DNAJC6: variants seen among roughly 807,000 people sequenced by gnomAD.
The protein encoded by DNAJC6 is auxilin.
In DNAJC6, 34 loss-of-function variants were observed where a neutral mutation model predicts 110.0. That is an observed-to-expected ratio of 0.31 (90% CI 0.24 to 0.41). The LOEUF (loss-of-function observed/expected upper bound fraction) is 0.41. Among genes scored for constraint, DNAJC6 ranks in the 10% least tolerant of loss-of-function variants. DNAJC6 has a pLI of 1.00. For missense variants in DNAJC6, 1,031 were observed against 1,207.8 expected (o/e 0.85, Z 2.17); for synonymous variants, 406 against 437.2 (o/e 0.93, Z 0.89).
chr1:65,366,010 A>G (rs1474178076), intron 3 of DNAJC6, 38 bp from the exon 4 acceptor site: 48 of 1,613,252 alleles, frequency 3.0e-5, no homozygotes, highest in Non-Finnish European at 3.9e-5. Context: ...AGACGTAAAC[A>G]TTTAACCTGT....
At chr1:65,301,667 T>C (rs189545429) in intron 1 of DNAJC6, among the ~76,000 whole-genome samples, 26 of 152,264 alleles carry the variant, frequency 1.7e-4, no homozygotes, top group Non-Finnish European at 3.1e-4. Flanking sequence ...CCTCTCTGGG[T>C]GCACCATCCT....
At chr1:65,371,489 T>C (rs1030138131) in intron 4 of DNAJC6, among the ~76,000 whole-genome samples, 4 of 152,174 alleles carry the variant, frequency 2.6e-5, no homozygotes, top group African/African-American at 9.7e-5. Flanking sequence ...ACATTGGTAA[T>C]AATAAAATGC....
intron 1 of DNAJC6, among the ~76,000 whole-genome samples, chr1:65,351,458 A>G (rs1447135988): frequency 6.6e-6 from 1 of 152,204 alleles, no homozygotes; most frequent in Non-Finnish European, 1.5e-5. Context: ...AAGTAGATAT[A>G]AAGTATTCAA....
chr1:65,399,020 G>A, intron 14 of DNAJC6, 139 bp downstream of exon 14: 1 of 846,404 alleles, frequency 1.2e-6, no homozygotes, highest in Admixed American at 2.3e-5. Flanking sequence ...TCATATTCTA[G>A]AAGAGCTTTT....
intron 1 of DNAJC6, among the ~76,000 whole-genome samples, chr1:65,316,373 T>C (rs914547198): frequency 6.6e-6 from 1 of 152,222 alleles, no homozygotes; most frequent in African/African-American, 2.4e-5. Context: ...GCTCAGATAT[T>C]CCTTAATCGC....
chr1:65,346,200 A>G (rs960334967), intron 1 of DNAJC6, among the ~76,000 whole-genome samples: 4 of 152,154 alleles, frequency 2.6e-5, no homozygotes, highest in Non-Finnish European at 4.4e-5. Context: ...GGAAGTGCCT[A>G]CTAATACAAT....
In DNAJC6 at chr1:65,388,329, T is replaced by G; in HGVS notation, c.1114-7T>G. The stretch of plus-strand genomic sequence containing the variant: ...GATTGTAATGTGCTTCTCTCATGTA[T>G]TTTTAGGTGACCAACACACAGATAT... On this transcript the variant is annotated splice_region_variant and splice_polypyrimidine_tract_variant and intron_variant, in intron 8 of 18. Coordinates refer to ENST00000371069, the MANE Select transcript of DNAJC6 (RefSeq NM_001256864.2). 1.2e-6 allele frequency: 2 copies of G among 1,612,598 alleles called. No homozygotes were observed. Among genetic ancestry groups the G allele is most frequent in the Non-Finnish European group, 1.7e-6 (2 of 1,178,784 alleles).
intron 1 of DNAJC6, 90 bp downstream of exon 1, chr1:65,310,028 C>A: frequency 2.9e-6 from 4 of 1,357,838 alleles, no homozygotes; most frequent in African/African-American, 1.5e-5. Flanking sequence ...CCGTGGTCCC[C>A]CAGCCCCGGT....
intron 1 of DNAJC6, among the ~76,000 whole-genome samples, chr1:65,355,137 C>A (rs1210887495): frequency 1.3e-5 from 2 of 151,914 alleles, no homozygotes; most frequent in African/African-American, 4.8e-5. Context: ...TGGGTGCAAC[C>A]CTGTAGTCCC....
chr1:65,317,281 A>G (rs1324097815), intron 1 of DNAJC6, among the ~76,000 whole-genome samples: 1 of 152,232 alleles, frequency 6.6e-6, no homozygotes, highest in Non-Finnish European at 1.5e-5. Context: ...GTTATTGTAT[A>G]TTAAACAGCT....
chr1:65,341,955 C>T (rs924081255), intron 1 of DNAJC6, among the ~76,000 whole-genome samples: 4 of 152,056 alleles, frequency 2.6e-5, no homozygotes, highest in Non-Finnish European at 5.9e-5. Context: ...AACTAGTTTT[C>T]ATTAATTTCA....
intron 1 of DNAJC6, among the ~76,000 whole-genome samples, chr1:65,363,791 T>C (rs540857882): frequency 3.3e-5 from 5 of 152,134 alleles, no homozygotes; most frequent in Non-Finnish European, 5.9e-5. Flanking sequence ...AGTGCTGAGA[T>C]TGAGAAGCCC....
chr1:65,319,600 A>T (rs1381743929), intron 1 of DNAJC6, among the ~76,000 whole-genome samples: 1 of 151,118 alleles, frequency 6.6e-6, no homozygotes, highest in Non-Finnish European at 1.5e-5. Flanking sequence ...TGAAACCAGA[A>T]TTTTTTTTCA....
intron 13 of DNAJC6, 64 bp from the exon 14 acceptor site, chr1:65,398,749 T>A: frequency 6.4e-7 from 1 of 1,563,390 alleles, no homozygotes; most frequent in South Asian, 1.1e-5. Context: ...TTATCCTGTG[T>A]GAACTCAGAA....
rs146488280 is a variant in DNAJC6, at chr1:65,369,503, T to C, written c.543+3307T>C. On this transcript the variant is annotated intron_variant, in intron 4 of 18. Transcript: ENST00000371069. ...TGAAATTAAACCTTATTTTAATAAA[T>C]GTTGATGGTAGAGTCTACCATAAAT... Among the ~76,000 whole-genome samples the C allele has an allele frequency of 3.3e-5, 5 of 152,334 alleles. No individual in the cohort carries two copies. In the East Asian group the frequency reaches 9.6e-4, roughly 29 times the overall value.
At chr1:65,395,305 C>A (rs1485706463) in intron 13 of DNAJC6, among the ~76,000 whole-genome samples, 2 of 152,018 alleles carry the variant, frequency 1.3e-5, no homozygotes, top group Non-Finnish European at 1.5e-5. Context: ...TCATAAATGA[C>A]CCTTGATTGT....
At chr1:65,342,258 T>G (rs1226139704) in intron 1 of DNAJC6, among the ~76,000 whole-genome samples, 1 of 152,112 alleles carries the variant, frequency 6.6e-6, no homozygotes, top group Non-Finnish European at 1.5e-5. Flanking sequence ...AATATTTGTG[T>G]CCCCTCCTTT....
chr1:65,279,076 A>G, intron 1 of DNAJC6: 2 of 985,432 alleles, frequency 2.0e-6, no homozygotes, highest in South Asian at 9.4e-5. Flanking sequence ...TATGCTGAGA[A>G]AAAGGGAAAT....
intron 18 of DNAJC6, 48 bp from the exon 19 acceptor site, chr1:65,412,876 G>C: frequency 6.8e-7 from 1 of 1,470,168 alleles, no homozygotes; most frequent in East Asian, 2.3e-5. Flanking sequence ...TAATATTAAT[G>C]AAATTTTGGT....
Sources: gnomAD v4.1 joint callset for allele counts (sites outside exome capture counted in the v4.1 genomes callset) on GRCh38, gnomAD v4.1.1 for gene constraint, MANE v1.5 for transcripts, NCBI Gene and HGNC (gene_info 2026-07-23, HGNC 2026-07-21) for gene names.